Variants in ZNF282 observed in about 807,000 individuals in gnomAD.
ZNF282 encodes the protein zinc finger protein 282, also known as HTLV-I U5 repressive element-binding protein 1.
A neutral mutation model predicts 61.9 loss-of-function variants in ZNF282; 30 were observed. The observed-to-expected ratio is 0.48, with a 90% CI of 0.36 to 0.66. ZNF282 has a LOEUF of 0.66. ZNF282 is among the 30% of genes least tolerant of loss of function. The probability of loss-of-function intolerance (pLI) is 0.00; values close to 1 mark genes in which losing one functional copy is unlikely to be tolerated. For synonymous variants in ZNF282, 396 were observed against 405.0 expected (o/e 0.98, Z 0.27); for missense variants, 788 against 941.4 (o/e 0.84, Z 2.13).
chr7:149,220,840 A>T (rs1796234753), intron 7 of ZNF282, among the ~76,000 whole-genome samples: 1 of 152,054 alleles, frequency 6.6e-6, no homozygotes, highest in Non-Finnish European at 1.5e-5. Flanking sequence ...AGGATGACGT[A>T]ATCATTCCAG....
rs897918206 is a variant in ZNF282 at position 149,195,632 on chromosome 7, A to C, written c.43A>C (p.Ile15Leu). ...ACGGCCGCAGCCTCAGCAGCTGGGCATCCAGGGCCTGGGGCTGGACAGCGG... is the reference window on the plus strand; with the variant it reads ...ACGGCCGCAGCCTCAGCAGCTGGGCCTCCAGGGCCTGGGGCTGGACAGCGG... ...STRPQPQQLG[I>L]QGLGLDSGSW... Residue 15 changes from isoleucine to leucine, a missense_variant, in exon 1 of 8, where the codon ATC (isoleucine) becomes CTC (leucine). Transcript: ENST00000610704. 2.5e-5 allele frequency: 41 copies of C among 1,609,960 alleles called. No homozygotes were observed. Among genetic ancestry groups the C allele is most frequent in the Non-Finnish European group, 3.4e-5 (40 of 1,178,598 alleles).
rs375141025 is a variant in ZNF282 at position 149,219,151 on chromosome 7, C to T, written c.1181-4661C>T. ...GCCTCAAACCCTAAACCTTTAGTCA[C>T]GTGCTTGGTCTTTTCAGCATGGCAG... On this transcript the variant is annotated intron_variant, in intron 7 of 7. Coordinates refer to ENST00000610704, the MANE Select transcript of ZNF282 (RefSeq NM_003575.4). Among the ~76,000 whole-genome samples the T allele has an allele frequency of 2.6e-5, 4 of 152,290 alleles. No individual in the cohort carries two copies. In the East Asian group the frequency reaches 7.7e-4, roughly 29 times the overall value.
At chr7:149,222,244 G>A (rs1301675043) in intron 7 of ZNF282, among the ~76,000 whole-genome samples, 4 of 152,342 alleles carry the variant, frequency 2.6e-5, no homozygotes, top group East Asian at 1.9e-4. Context: ...CCACTGCCAC[G>A]AGTGCAAGGA....
In ZNF282 at chr7:149,210,579, C is replaced by T. The variant is rs755007882; in HGVS notation, c.833-6C>T. 3 of 1,609,800 alleles carry T rather than the reference C, an allele frequency of 1.9e-6. No homozygotes were observed. The highest frequency in any genetic ancestry group is 1.7e-6 in the Non-Finnish European group (2 of 1,178,256). On this transcript the variant is annotated splice_polypyrimidine_tract_variant and splice_region_variant and intron_variant, in intron 4 of 7. Transcript: ENST00000610704. The stretch of plus-strand genomic sequence containing the variant: ...GACACAAAGCAATGTCATTCTCTGT[C>T]CCCAGGAGCAGAGCCCCTGGTGCCT...
intron 5 of ZNF282, among the ~76,000 whole-genome samples, chr7:149,212,037 A>G (rs1796091947): frequency 6.6e-6 from 1 of 152,236 alleles, no homozygotes. Flanking sequence ...TCATCTTTCC[A>G]GAGGAAATAC....
At chr7:149,199,329 C>G (rs1485913326) in intron 2 of ZNF282, among the ~76,000 whole-genome samples, 3 of 152,182 alleles carry the variant, frequency 2.0e-5, no homozygotes, top group Non-Finnish European at 4.4e-5. Context: ...ATGCAGCCAG[C>G]TTGTTCTTCC....
Position 149,198,857 on chromosome 7 carries a change from C to T in ZNF282, c.585+105C>T. 1 of 1,435,344 alleles carries T rather than the reference C, an allele frequency of 7.0e-7. No homozygotes were observed. Among genetic ancestry groups the T allele is most frequent in the Non-Finnish European group, 9.3e-7 (1 of 1,077,680 alleles). The allele number at this position is 1,435,344 out of a possible 1,614,324, so 88.9% of individuals were successfully genotyped here. A position where few individuals can be genotyped will look rare whatever the true frequency, so the allele number is the denominator to read the frequency against. ...CCTTCTCATAAACTTCTCTGGCTCC[C>T]CGTTATCCAATTTCAGTGTCTTCTT... On this transcript the variant is annotated intron_variant, in intron 2 of 7. Coordinates refer to ENST00000610704, the MANE Select transcript of ZNF282 (RefSeq NM_003575.4). This position sits in a 1 kb window ranked among gnomAD's most constrained non-coding sequence, Gnocchi z 4.3.
Position 149,213,720 on chromosome 7 carries a change from T to C in ZNF282, c.1086T>C (p.His362=). 1 of 1,613,634 alleles carries C rather than the reference T, an allele frequency of 6.2e-7. No individual in the cohort carries two copies. The highest frequency in any genetic ancestry group is 1.1e-5 in the South Asian group (1 of 91,030). ...DPNSESLISA[H]DILSWIKQEE... Reference sequence around the variant, plus strand: ...CAACAGAGTCTCTCATCTCAGCACATGACATTTTGTCATGGATCAAGCAGG... The same window carrying C: ...CAACAGAGTCTCTCATCTCAGCACACGACATTTTGTCATGGATCAAGCAGG... The change falls in exon 7 of 8, where the codon CAT becomes CAC. Residue 362 remains histidine (H), a synonymous_variant. Transcript: ENST00000610704.
In ZNF282 at chr7:149,224,349, C is replaced by T. The variant is rs1165553100; in HGVS notation, c.1718C>T (p.Pro573Leu). 1 of 1,613,884 alleles carries T rather than the reference C, an allele frequency of 6.2e-7. No homozygotes were observed. Among genetic ancestry groups the T allele is most frequent in the Admixed American group, 1.7e-5 (1 of 60,010 alleles). ...RHQMTHRGERPYKCSECEKTY... is the reference protein window; with the variant it reads ...RHQMTHRGERLYKCSECEKTY... ...CAGATGACGCACCGCGGCGAGCGGC[C>T]CTACAAGTGCTCGGAGTGCGAGAAG... The change falls in exon 8 of 8, where the codon CCC (proline) becomes CTC (leucine). Residue 573 changes from proline (P) to leucine (L), a missense_variant. Around this residue, in one of 3 missense-constraint regions of ZNF282, gnomAD observed 559 missense variants for 642.0 expected, o/e 0.87. Transcript: ENST00000610704.
In ZNF282 at chr7:149,223,940, G is replaced by A. The variant is rs963030838; in HGVS notation, c.1309G>A (p.Glu437Lys). ...PQSLPPIAVA[E>K]NPGGPPSRGL... The stretch of plus-strand genomic sequence containing the variant: ...GAGCCTGCCCCCCATCGCGGTGGCC[G>A]AGAACCCGGGCGGCCCCCCGAGCCG... Residue 437 changes from glutamate (E) to lysine (K), a missense_variant, in exon 8 of 8, where the codon GAG (glutamate) becomes AAG (lysine). By Grantham distance (56) the Glu-to-Lys change is moderately conservative. Coordinates refer to ENST00000610704, the MANE Select transcript of ZNF282 (RefSeq NM_003575.4). 9.1e-6 allele frequency: 12 copies of A among 1,319,376 alleles called. No homozygotes were observed. The highest frequency in any genetic ancestry group is 1.2e-5 in the Non-Finnish European group (12 of 1,037,580). The allele number at this position is 1,319,376 out of a possible 1,614,324, so 81.7% of individuals were successfully genotyped here.
In ZNF282 at chr7:149,224,480, C is replaced by T. The variant is rs1057228307; in HGVS notation, c.1849C>T (p.Leu617=). 1.2e-6 allele frequency: 2 copies of T among 1,613,524 alleles called. No homozygotes were observed. The highest frequency in any genetic ancestry group is 1.7e-5 in the Admixed American group (1 of 60,008). Residue 617 remains leucine (L), a synonymous_variant, in exon 8 of 8, where the codon CTG becomes TTG. Transcript: ENST00000610704. ...CAAGAGCTTCATCCGCAAGCAGAAC[C>T]TGCTCAAGCACCAGCGCATCCACAC... is the stretch of plus-strand genomic sequence containing the variant. The part of the protein sequence containing the change: ...CGKSFIRKQN[L]LKHQRIHTGE...
chr7:149,200,334 C>T (rs1030869838), intron 2 of ZNF282, among the ~76,000 whole-genome samples: 2 of 152,186 alleles, frequency 1.3e-5, no homozygotes, highest in Admixed American at 1.3e-4. Flanking sequence ...TCTCAGTCTT[C>T]ATCCTCCCTG....
chr7:149,209,465 A>T (rs1796048108), intron 4 of ZNF282, among the ~76,000 whole-genome samples: 1 of 152,042 alleles, frequency 6.6e-6, no homozygotes, highest in Non-Finnish European at 1.5e-5. Flanking sequence ...CCCTGTCTTC[A>T]TCAAGGACTG....
At chr7:149,203,364 T>C (rs1437564034) in intron 2 of ZNF282, among the ~76,000 whole-genome samples, 1 of 152,184 alleles carries the variant, frequency 6.6e-6, no homozygotes, top group Non-Finnish European at 1.5e-5. Flanking sequence ...TTTTTTGTTT[T>C]TTTGGGACGG....
chr7:149,206,686 G>A lies in ZNF282; in HGVS notation c.586-10G>A, dbSNP rs375162163. On this transcript the variant is annotated splice_polypyrimidine_tract_variant and intron_variant, in intron 2 of 7. Transcript: ENST00000610704. ...GCAGGAGGCGCTAGATTAACCGCTT[G>A]TTGGCTTAGGTTCCAGTGACTTTTG... 6.2e-7 allele frequency: 1 copy of A among 1,614,130 alleles called. No homozygotes were observed. The highest frequency in any genetic ancestry group is 8.5e-7 in the Non-Finnish European group (1 of 1,180,016).
At chr7:149,206,109 G>A (rs114842671) in intron 2 of ZNF282, among the ~76,000 whole-genome samples, 241 of 152,286 alleles carry the variant, frequency 1.6e-3, no homozygotes, top group African/African-American at 5.2e-3. Context: ...GACTCGGGCC[G>A]CAGTGGAGCT....
At chr7:149,196,411 G>C (rs1795817361) in intron 1 of ZNF282, among the ~76,000 whole-genome samples, 1 of 152,138 alleles carries the variant, frequency 6.6e-6, no homozygotes, top group African/African-American at 2.4e-5. Context: ...TGACGGGTGA[G>C]AGTAGCACCA....
intron 1 of ZNF282, among the ~76,000 whole-genome samples, chr7:149,196,602 C>T (rs1795821153): frequency 6.6e-6 from 1 of 152,142 alleles, no homozygotes; most frequent in Non-Finnish European, 1.5e-5. Flanking sequence ...CGGCTCTCAG[C>T]CAGGTGCTAA....
rs113888465 is a variant in ZNF282, at chr7:149,221,187, G to C, written c.1181-2625G>C. 6.5e-3 allele frequency among the ~76,000 whole-genome samples: 984 copies of C among 152,244 alleles called. 5 individuals are homozygous for C. The highest frequency in any genetic ancestry group is 9.9e-3 in the Non-Finnish European group (674 of 68,020). ...TTCTGCCTTGGCCTCCCAATGTGCCGGGATTACAGGCATGAGCCACAGTGC... is the reference window on the plus strand; with the variant it reads ...TTCTGCCTTGGCCTCCCAATGTGCCCGGATTACAGGCATGAGCCACAGTGC... On this transcript the variant is annotated intron_variant, in intron 7 of 7. Coordinates refer to ENST00000610704, the MANE Select transcript of ZNF282 (RefSeq NM_003575.4).
Sources: gnomAD v4.1 joint callset for allele counts (sites outside exome capture counted in the v4.1 genomes callset) on GRCh38, gnomAD v4.1.1 for gene constraint, gnomAD v4.1.1 regional missense constraint, Gnocchi (gnomAD v3.1) non-coding constraint, MANE v1.5 for transcripts, NCBI Gene and HGNC (gene_info 2026-07-23, HGNC 2026-07-21) for gene names.